The following PTPRN2 variants were observed in gnomAD, a reference collection of about 807,000 sequenced individuals.
PTPRN2 encodes protein tyrosine phosphatase receptor type N2.
In PTPRN2, 74 loss-of-function variants were observed where a neutral mutation model predicts 118.8. The observed-to-expected ratio is 0.62, with a 90% CI of 0.52 to 0.76. PTPRN2 has a LOEUF of 0.76. PTPRN2 is among the 30% of genes least tolerant of loss of function. The pLI is 0.00. For synonymous variants in PTPRN2, 641 were observed against 608.0 expected (o/e 1.05, Z -0.80); for missense variants, 1,481 against 1,394.4 (o/e 1.06, Z -0.99).
At chr7:158,017,692 G>A (rs558329941) in intron 11 of PTPRN2, among the ~76,000 whole-genome samples, 1 of 152,226 alleles carries the variant, frequency 6.6e-6, no homozygotes, top group African/African-American at 2.4e-5. Context: ...CAGCCCACGT[G>A]GGGACCCTTG....
chr7:157,891,567 C>T (rs937269986), intron 12 of PTPRN2, among the ~76,000 whole-genome samples: 2 of 151,804 alleles, frequency 1.3e-5, no homozygotes, highest in African/African-American at 2.4e-5. Context: ...CCCCCACCCC[C>T]CATCCCAGGT....
In PTPRN2 at chr7:157,958,788, C is replaced by T. The variant is rs78334538; in HGVS notation, c.1724-60051G>A. 0.011 allele frequency among the ~76,000 whole-genome samples: 1,748 copies of T among 152,300 alleles called. 169 individuals carry two copies. In the East Asian group the frequency reaches 0.25, roughly 21 times the overall value. The stretch of plus-strand genomic sequence containing the variant: ...TAAGTGGAAAGACATCCCATCTTCA[C>T]GTATTATAAGGCTCATTATTGTTAG... On this transcript the variant is annotated intron_variant, in intron 11 of 22. Transcript: ENST00000389418.
rs567016596 is a variant in PTPRN2 at position 158,327,270 on chromosome 7, C to T, written c.164-10338G>A. Among the ~76,000 whole-genome samples the T allele has an allele frequency of 3.2e-3, 485 of 151,896 alleles. 4 individuals carry two copies. Among genetic ancestry groups the T allele is most frequent in the Non-Finnish European group, 4.1e-3 (281 of 67,976 alleles). ...ATGCACACATTCTCACATGCACACA[C>T]GTGCTCACACATGCTCACACATGTA... On this transcript the variant is annotated intron_variant, in intron 2 of 22. Coordinates refer to ENST00000389418, the MANE Select transcript of PTPRN2 (RefSeq NM_002847.5).
chr7:157,745,002 C>T (rs556083487), intron 12 of PTPRN2, among the ~76,000 whole-genome samples: 2 of 152,188 alleles, frequency 1.3e-5, no homozygotes, highest in African/African-American at 4.8e-5. Context: ...CCCTTCCAGG[C>T]GGCACCTTCC....
At chr7:158,523,745 TGCCC>T in intron 1 of PTPRN2, among the ~76,000 whole-genome samples, 1 of 114,562 alleles carries the variant, frequency 8.7e-6, no homozygotes, top group Non-Finnish European at 1.8e-5. Flanking sequence ...TGGAGTCGTC[TGCCC>T]TGGAGTGGAG....
chr7:157,945,706 C>G (rs1187108643), intron 11 of PTPRN2, among the ~76,000 whole-genome samples: 1 of 151,468 alleles, frequency 6.6e-6, no homozygotes. Flanking sequence ...ATGTCACCTC[C>G]AACTTGGATG....
intron 11 of PTPRN2, among the ~76,000 whole-genome samples, chr7:157,958,525 T>C (rs2128807724): frequency 6.6e-6 from 1 of 152,352 alleles, no homozygotes; most frequent in East Asian, 1.9e-4. Context: ...AAGAGATCTG[T>C]TAGAACTTAA....
chr7:157,698,118 TAG>T (rs1477787038), intron 12 of PTPRN2, among the ~76,000 whole-genome samples: 1 of 152,260 alleles, frequency 6.6e-6, no homozygotes, highest in African/African-American at 2.4e-5. Context: ...TTGCTTATGT[TAG>T]ATATAACATA....
intron 3 of PTPRN2, among the ~76,000 whole-genome samples, chr7:158,309,666 C>G (rs557162938): frequency 1.3e-5 from 2 of 152,206 alleles, no homozygotes; most frequent in South Asian, 4.1e-4. Context: ...CACTAAGATA[C>G]TAAATCCAGA....
intron 14 of PTPRN2, among the ~76,000 whole-genome samples, chr7:157,653,659 C>T (rs866995847): frequency 1.3e-5 from 2 of 152,116 alleles, no homozygotes; most frequent in African/African-American, 2.4e-5. Flanking sequence ...CAGGAGACCC[C>T]GCATGGCTGA....
At chr7:158,252,294 A>G (rs975996894) in intron 3 of PTPRN2, among the ~76,000 whole-genome samples, 4 of 152,120 alleles carry the variant, frequency 2.6e-5, no homozygotes, top group Non-Finnish European at 4.4e-5. Flanking sequence ...CACTCCCATA[A>G]TCTCTCAGTG....
chr7:157,647,127 CTTGGTGGG>C (rs1305505551), intron 14 of PTPRN2, among the ~76,000 whole-genome samples: 3 of 110,676 alleles, frequency 2.7e-5, no homozygotes, highest in African/African-American at 1.1e-4. Flanking sequence ...ATGCACTGAA[CTTGGTGGG>C]TCGGACCCAT....
Position 157,609,572 on chromosome 7 carries a change from G to A in PTPRN2, c.2345-5497C>T, listed in dbSNP as rs181451673. ...GACTCATAAGGATGGAACGATTCAC[G>A]TGGCCACGGCCTCGTGGTCCACAGG... is the stretch of plus-strand genomic sequence containing the variant. On this transcript the variant is annotated intron_variant, in intron 15 of 22. Coordinates refer to ENST00000389418, the MANE Select transcript of PTPRN2 (RefSeq NM_002847.5). The surrounding 1 kb of genome is among the most constrained non-coding windows in gnomAD (Gnocchi z 4.9). Among the ~76,000 whole-genome samples, 103 of 152,240 alleles carry A rather than the reference G, an allele frequency of 6.8e-4. 1 individual carries two copies. The highest frequency in any genetic ancestry group is 2.2e-3 in the African/African-American group (91 of 41,554).
intron 12 of PTPRN2, among the ~76,000 whole-genome samples, chr7:157,737,307 A>G (rs560702322): frequency 1.3e-5 from 2 of 152,226 alleles, no homozygotes; most frequent in East Asian, 3.9e-4. Context: ...CGCGGCCCCC[A>G]GCAGTGTTCC....
intron 21 of PTPRN2, among the ~76,000 whole-genome samples, chr7:157,563,201 CAT>C (rs1563215771): frequency 1.5e-5 from 2 of 129,232 alleles, no homozygotes; most frequent in Admixed American, 7.4e-5. Context: ...CACGTGCTCC[CAT>C]GTCACCACAC....
intron 3 of PTPRN2, among the ~76,000 whole-genome samples, chr7:158,249,101 T>C (rs1324563368): frequency 1.4e-5 from 2 of 146,680 alleles, no homozygotes; most frequent in Non-Finnish European, 3.0e-5. Context: ...TATGCACACA[T>C]CACACACACA....
chr7:158,147,669 C>A (rs1820288852), intron 6 of PTPRN2, among the ~76,000 whole-genome samples: 2 of 133,826 alleles, frequency 1.5e-5, no homozygotes, highest in African/African-American at 5.7e-5. Context: ...CGTGTCTTTC[C>A]CCCTCACTGA....
chr7:158,359,880 G>A (rs1014208091), intron 2 of PTPRN2, among the ~76,000 whole-genome samples: 1 of 152,052 alleles, frequency 6.6e-6, no homozygotes, highest in African/African-American at 2.4e-5. Context: ...CCTTAGCTTG[G>A]CCCCTCCTTG....
chr7:157,561,502 G>C (rs1045851417), intron 21 of PTPRN2, among the ~76,000 whole-genome samples: 2 of 152,248 alleles, frequency 1.3e-5, no homozygotes, highest in African/African-American at 4.8e-5. Flanking sequence ...CCCTGGGGCC[G>C]TGTGCCTTCC....
Sources: allele counts gnomAD v4.1 joint callset (sites outside exome capture counted in the v4.1 genomes callset), GRCh38; gene constraint gnomAD v4.1.1; non-coding constraint Gnocchi (gnomAD v3.1); transcripts MANE v1.5; gene names NCBI Gene and HGNC (gene_info 2026-07-23, HGNC 2026-07-21).